The following TRERF1 variants were observed in gnomAD, a reference collection of about 807,000 sequenced individuals.
TRERF1 encodes the protein transcriptional regulating factor 1.
Under a neutral mutation model 122.9 loss-of-function variants are expected in TRERF1, and 27 were observed. The ratio of observed to expected loss-of-function variants is 0.22; its 90% CI spans 0.16 to 0.30. The LOEUF (loss-of-function observed/expected upper bound fraction) is 0.30. TRERF1 is among the 10% of genes least tolerant of loss of function. The pLI, the probability that TRERF1 is intolerant of heterozygous loss-of-function variation, is 1.00. For synonymous variants in TRERF1, 636 were observed against 641.7 expected (o/e 0.99, Z 0.13); for missense variants, 1,248 against 1,560.3 (o/e 0.80, Z 3.37).
Position 42,269,700 on chromosome 6 carries a change from A to G in TRERF1, c.-110T>C. On this transcript the variant is annotated 5_prime_UTR_variant, in exon 5 of 18. An upstream open reading frame in the 5' UTR loses its in-frame stop. Transcript: ENST00000372922. This position sits in a 1 kb window ranked among gnomAD's most constrained non-coding sequence, Gnocchi z 4.9. ...AAGCTGAGAGAAAAGTGTCAGCACT[A>G]CTCCACGGCTGACATGTCTGTGAAC... is the stretch of plus-strand genomic sequence containing the variant. 1 of 1,465,740 alleles carries G rather than the reference A, an allele frequency of 6.8e-7. No homozygotes were observed. The highest frequency in any genetic ancestry group is 9.0e-7 in the Non-Finnish European group (1 of 1,112,486). 90.8% of individuals were successfully genotyped at this position (1,465,740 alleles called of 1,614,324 possible).
chr6:42,436,836 T>A, intron 2 of TRERF1, among the ~76,000 whole-genome samples: 1 of 141,316 alleles, frequency 7.1e-6, no homozygotes, highest in Admixed American at 7.1e-5. Flanking sequence ...TATATATATA[T>A]ATATATATAT....
intron 2 of TRERF1, among the ~76,000 whole-genome samples, chr6:42,431,221 CA>C (rs1378841148): frequency 6.6e-6 from 1 of 151,566 alleles, no homozygotes; most frequent in Admixed American, 6.6e-5. Flanking sequence ...AAATAGAAGA[CA>C]TTTTAAAATA....
intron 4 of TRERF1, among the ~76,000 whole-genome samples, chr6:42,295,303 C>T (rs1427738639): frequency 1.3e-5 from 2 of 152,098 alleles, no homozygotes; most frequent in African/African-American, 4.8e-5. Context: ...AGGTGGTAGC[C>T]CAGATGAGCT....
At chr6:42,277,918 GAAGAA>G (rs1272472484) in intron 4 of TRERF1, among the ~76,000 whole-genome samples, 3 of 121,230 alleles carry the variant, frequency 2.5e-5, no homozygotes, top group African/African-American at 9.9e-5. Context: ...AGAAGAAGAA[GAAGAA>G]GAAGAAGAAG....
At chr6:42,314,427 G>C (rs955850327) in intron 3 of TRERF1, among the ~76,000 whole-genome samples, 1 of 152,148 alleles carries the variant, frequency 6.6e-6, no homozygotes, top group Non-Finnish European at 1.5e-5. Flanking sequence ...CTAGGGCAGA[G>C]GTCCCAGCAA....
intron 3 of TRERF1, among the ~76,000 whole-genome samples, chr6:42,356,966 G>C (rs993149741): frequency 2.0e-5 from 3 of 152,120 alleles, no homozygotes; most frequent in Admixed American, 2.0e-4. Context: ...CTGTCAAAAA[G>C]CACAATGTCG....
intron 3 of TRERF1, among the ~76,000 whole-genome samples, chr6:42,328,091 C>T (rs761485742): frequency 1.5e-4 from 22 of 150,450 alleles, no homozygotes; most frequent in Admixed American, 2.7e-4. Context: ...CTGCAACCTC[C>T]GCCTCCCGGG....
intron 2 of TRERF1, among the ~76,000 whole-genome samples, chr6:42,449,063 C>A (rs2151841531): frequency 6.6e-6 from 1 of 152,322 alleles, no homozygotes; most frequent in East Asian, 1.9e-4. Context: ...CAGGCCCAAG[C>A]CGGTTATAGG....
At position 42,417,264 on chromosome 6, in the gene TRERF1, G is replaced by A. The variant is rs538123255; in HGVS notation, c.-454+33913C>T. 6.6e-4 allele frequency among the ~76,000 whole-genome samples: 101 copies of A among 152,100 alleles called. 2 individuals carry two copies. The highest frequency in any genetic ancestry group is 6.5e-3 in the Admixed American group (99 of 15,272). On this transcript the variant is annotated intron_variant, in intron 2 of 17. Coordinates refer to ENST00000372922, the Ensembl canonical transcript of TRERF1. ...AGCCAAATGGCCCATTCCCCTCTCA[G>A]TGGAGGCCCTTCTAATTTTGTCTGG...
intron 8 of TRERF1, among the ~76,000 whole-genome samples, chr6:42,260,553 T>G: frequency 2.0e-5 from 3 of 151,510 alleles, no homozygotes; most frequent in South Asian, 2.1e-4. Flanking sequence ...CAGACTCGGG[T>G]TGTGTGGTAG....
chr6:42,296,742 G>A (rs1469317304), intron 4 of TRERF1, among the ~76,000 whole-genome samples: 1 of 152,154 alleles, frequency 6.6e-6, no homozygotes, highest in Non-Finnish European at 1.5e-5. Flanking sequence ...AAGAGGCAGA[G>A]GGAAGGGAAG....
chr6:42,378,961 TA>T (rs199929657), intron 2 of TRERF1, among the ~76,000 whole-genome samples: 1 of 150,418 alleles, frequency 6.6e-6, no homozygotes. Flanking sequence ...ACTAAAAATT[TA>T]AAAAAAAATA....
chr6:42,258,315 C>A, intron 9 of TRERF1, 114 bp from the exon 10 acceptor site: 1 of 893,950 alleles, frequency 1.1e-6, no homozygotes, highest in Non-Finnish European at 1.8e-6. Context: ...CTACCCAGCT[C>A]CTGCCAGAGT....
chr6:42,316,585 G>T (rs904588485), intron 3 of TRERF1, among the ~76,000 whole-genome samples: 1 of 152,194 alleles, frequency 6.6e-6, no homozygotes, highest in Non-Finnish European at 1.5e-5. Context: ...AGCCTCACAA[G>T]CCAGCTGTCC....
At chr6:42,282,892 T>C (rs780002433) in intron 4 of TRERF1, among the ~76,000 whole-genome samples, 2 of 152,212 alleles carry the variant, frequency 1.3e-5, no homozygotes. Context: ...CTGATCAGTA[T>C]ATAACCTTGT....
In TRERF1 at chr6:42,362,523, T is replaced by C. The variant is rs557566085; in HGVS notation, c.-371+474A>G. Among the ~76,000 whole-genome samples the C allele has an allele frequency of 1.2e-4, 19 of 152,350 alleles. 2 individuals carry two copies. Among genetic ancestry groups the C allele is most frequent in the African/African-American group, 4.1e-4 (17 of 41,574 alleles). On this transcript the variant is annotated intron_variant, in intron 3 of 17. Transcript: ENST00000372922. Reference sequence around the variant, plus strand: ...GAATCATAGCTGTATGCCCATTTTATGGAGGGACAAACTGAGAATGGAAGG... The same window carrying C: ...GAATCATAGCTGTATGCCCATTTTACGGAGGGACAAACTGAGAATGGAAGG...
chr6:42,338,891 A>AT (rs1484880296), intron 3 of TRERF1, among the ~76,000 whole-genome samples: 3 of 152,158 alleles, frequency 2.0e-5, no homozygotes, highest in Admixed American at 6.5e-5. Flanking sequence ...TTATCTTTAT[A>AT]TTTTTTTCAC....
intron 2 of TRERF1, among the ~76,000 whole-genome samples, chr6:42,408,297 GTATA>G (rs1780573511): frequency 1.4e-5 from 1 of 70,778 alleles, no homozygotes; most frequent in Non-Finnish European, 2.3e-5. Flanking sequence ...GTGTGTGTAT[GTATA>G]TATACATACT....
chr6:42,317,671 G>A (rs752582499), intron 3 of TRERF1, among the ~76,000 whole-genome samples: 1 of 151,760 alleles, frequency 6.6e-6, no homozygotes, highest in South Asian at 2.1e-4. Flanking sequence ...TAAAATAACA[G>A]TCTTCTCCAC....
Sources: allele counts gnomAD v4.1 joint callset (sites outside exome capture counted in the v4.1 genomes callset), GRCh38; gene constraint gnomAD v4.1.1; non-coding constraint Gnocchi (gnomAD v3.1); transcripts MANE v1.5; gene names NCBI Gene and HGNC (gene_info 2026-07-23, HGNC 2026-07-21).